CWC27: variants seen among roughly 807,000 people sequenced by gnomAD.
The protein encoded by CWC27 is spliceosome-associated protein CWC27 homolog.
CWC27 carries 47 observed loss-of-function variants against 63.6 expected under a neutral mutation model. The ratio of observed to expected loss-of-function variants is 0.74; its 90% CI spans 0.58 to 0.94. The LOEUF (loss-of-function observed/expected upper bound fraction) is 0.94, where lower values mean the gene tolerates loss of function less well. Ranked by LOEUF, CWC27 falls within the 40% of genes least tolerant of loss-of-function variation. The pLI is 0.00. For synonymous variants in CWC27, 175 were observed against 179.8 expected (o/e 0.97, Z 0.22); for missense variants, 495 against 554.3 (o/e 0.89, Z 1.07).
chr5:65,003,042 C>G (rs1373696398), intron 13 of CWC27, among the ~76,000 whole-genome samples: 3 of 152,100 alleles, frequency 2.0e-5, no homozygotes, highest in Non-Finnish European at 2.9e-5. Context: ...CTATAATGAC[C>G]TTTGTTGTCT....
At chr5:64,944,912 G>A (rs918131215) in intron 11 of CWC27, among the ~76,000 whole-genome samples, 39 of 151,912 alleles carry the variant, frequency 2.6e-4, no homozygotes, top group Admixed American at 1.8e-3. Context: ...AAGCCTCTAT[G>A]TTTGTCTAGT....
At chr5:64,937,921 C>CTTTTT (rs1211082437) in intron 11 of CWC27, among the ~76,000 whole-genome samples, 74 of 99,256 alleles carry the variant, frequency 7.5e-4, no homozygotes, top group African/African-American at 2.4e-3. Flanking sequence ...GCAATCTCTG[C>CTTTTT]TTTTTTTTTT....
chr5:64,985,908 C>A (rs1185674234), intron 13 of CWC27, among the ~76,000 whole-genome samples: 1 of 152,110 alleles, frequency 6.6e-6, no homozygotes, highest in African/African-American at 2.4e-5. Flanking sequence ...TGGTTTGGCT[C>A]TGTGTTCCCA....
At chr5:64,931,265 T>C (rs917861661) in intron 11 of CWC27, among the ~76,000 whole-genome samples, 51 of 151,896 alleles carry the variant, frequency 3.4e-4, no homozygotes, top group Non-Finnish European at 5.4e-4. Context: ...TAGTCTCAAA[T>C]GATTGAGAAA....
In CWC27 at chr5:64,783,837, A is replaced by T. The variant is rs1169870487; in HGVS notation, c.254A>T (p.Asp85Val). The T allele has an allele frequency of 3.8e-6, 6 of 1,568,300 alleles. No individual in the cohort carries two copies. Among genetic ancestry groups the T allele is most frequent in the South Asian group, 1.2e-5 (1 of 82,746 alleles). ...GESIYGAPFK[D>V]EFHSRLRFNR... is the part of the protein sequence containing the mutation. ...TCACTAAATCTTTTTACATTTCAGG[A>T]TGAATTTCATTCACGGTTGCGTTTT... is the stretch of plus-strand genomic sequence containing the variant. Residue 85 changes from aspartate (D) to valine (V), a missense_variant and splice_region_variant, in exon 4 of 14, where the codon GAT becomes GTT. Coordinates refer to ENST00000381070, the MANE Select transcript of CWC27 (RefSeq NM_005869.4).
chr5:64,897,958 A>AG (rs11400310), intron 11 of CWC27, among the ~76,000 whole-genome samples: 62,458 of 151,968 alleles, frequency 0.41, 14,324 homozygotes, highest in African/African-American at 0.62. Context: ...ATTTTAATAC[A>AG]TTCTCTCAGT....
intron 10 of CWC27, among the ~76,000 whole-genome samples, chr5:64,832,079 C>A (rs534465516): frequency 7.2e-5 from 11 of 151,944 alleles, no homozygotes; most frequent in African/African-American, 2.6e-4. Context: ...AATGTAAAAT[C>A]TAAAACCAAA....
At chr5:64,790,206 A>G (rs534769605) in intron 7 of CWC27, among the ~76,000 whole-genome samples, 5 of 152,262 alleles carry the variant, frequency 3.3e-5, no homozygotes, top group Admixed American at 2.0e-4. Context: ...GATAAGGCCA[A>G]ATATTTCTCC....
At chr5:64,771,897 A>G (rs1743270265) in intron 1 of CWC27, among the ~76,000 whole-genome samples, 1 of 152,160 alleles carries the variant, frequency 6.6e-6, no homozygotes, top group South Asian at 2.1e-4. Flanking sequence ...TTATATATGC[A>G]TTCTTTTTAC....
intron 2 of CWC27, among the ~76,000 whole-genome samples, chr5:64,780,651 T>C (rs1743644275): frequency 6.8e-6 from 1 of 146,548 alleles, no homozygotes; most frequent in South Asian, 2.1e-4. Context: ...AAATTATATA[T>C]TAATATATAA....
chr5:64,977,460 G>A (rs910720844), intron 13 of CWC27, among the ~76,000 whole-genome samples: 8 of 152,128 alleles, frequency 5.3e-5, no homozygotes, highest in East Asian at 1.9e-4. Flanking sequence ...TGATGTGTCC[G>A]GCATTGTGCT....
intron 13 of CWC27, among the ~76,000 whole-genome samples, chr5:65,014,785 T>C (rs1217595285): frequency 2.0e-5 from 3 of 152,212 alleles, no homozygotes; most frequent in Non-Finnish European, 4.4e-5. Context: ...AAAATCATAA[T>C]AACTGTTTTG....
At chr5:64,821,188 G>C in intron 10 of CWC27, among the ~76,000 whole-genome samples, 1 of 150,324 alleles carries the variant, frequency 6.7e-6, no homozygotes, top group Non-Finnish European at 1.5e-5. Context: ...TGGTTCAAGT[G>C]ATTCTCCTGC....
At chr5:64,780,831 C>T (rs1237709485) in intron 2 of CWC27, among the ~76,000 whole-genome samples, 1 of 151,934 alleles carries the variant, frequency 6.6e-6, no homozygotes, top group East Asian at 1.9e-4. Flanking sequence ...CTTACCAACA[C>T]TTATTCTTTT....
intron 10 of CWC27, among the ~76,000 whole-genome samples, chr5:64,845,650 G>A (rs1226568476): frequency 6.6e-6 from 1 of 152,140 alleles, no homozygotes; most frequent in Admixed American, 6.5e-5. Context: ...GAATCAATGA[G>A]CTGGAAGACA....
rs568577605 is a variant in CWC27, at chr5:64,982,851, C to T, written c.1256+5613C>T. 7.2e-5 allele frequency among the ~76,000 whole-genome samples: 11 copies of T among 152,278 alleles called. No homozygotes were observed. The East Asian group carries it at 1.9e-3, about 27-fold the overall frequency. On this transcript the variant is annotated intron_variant, in intron 13 of 13. Transcript: ENST00000381070. Reference sequence around the variant, plus strand: ...GTCCATGGCCTGTTAGGAACTGAGCCGCCCAGCAGGCAGTAAGCAGCAGGC... The same window carrying T: ...GTCCATGGCCTGTTAGGAACTGAGCTGCCCAGCAGGCAGTAAGCAGCAGGC...
chr5:64,802,279 G>A (rs1311420386), intron 9 of CWC27, among the ~76,000 whole-genome samples: 1 of 152,160 alleles, frequency 6.6e-6, no homozygotes, highest in Non-Finnish European at 1.5e-5. Flanking sequence ...AAGGGGAACT[G>A]CATATACAAA....
At chr5:64,960,224 T>C (rs1361981691) in intron 11 of CWC27, among the ~76,000 whole-genome samples, 2 of 147,422 alleles carry the variant, frequency 1.4e-5, no homozygotes, top group Non-Finnish European at 3.0e-5. Context: ...TTTTTTTTTT[T>C]CTCAAACATG....
chr5:64,871,488 A>G (rs995707210), intron 10 of CWC27, among the ~76,000 whole-genome samples: 2 of 152,088 alleles, frequency 1.3e-5, no homozygotes, highest in Non-Finnish European at 2.9e-5. Flanking sequence ...AGATTATATT[A>G]TACATTCTGA....
Sources: allele counts gnomAD v4.1 joint callset (sites outside exome capture counted in the v4.1 genomes callset), GRCh38; gene constraint gnomAD v4.1.1; transcripts MANE v1.5; gene names NCBI Gene and HGNC (gene_info 2026-07-23, HGNC 2026-07-21).